IQGAP2: variants seen among roughly 807,000 people sequenced by gnomAD.
IQGAP2 encodes ras GTPase-activating-like protein IQGAP2.
IQGAP2 carries 173 observed loss-of-function variants against 201.3 expected under a neutral mutation model. The observed-to-expected ratio is 0.86, with a 90% CI of 0.76 to 0.98. The LOEUF (loss-of-function observed/expected upper bound fraction) is 0.98. Among genes scored for constraint, IQGAP2 ranks in the 50% least tolerant of loss-of-function variants. The pLI is 0.00. For synonymous variants in IQGAP2, 675 were observed against 673.9 expected (o/e 1.00, Z -0.03); for missense variants, 1,687 against 1,864.8 (o/e 0.90, Z 1.76).
At chr5:76,658,824 G>A (rs1385715077) in intron 21 of IQGAP2, among the ~76,000 whole-genome samples, 157 bp downstream of exon 21, 1 of 152,132 alleles carries the variant, frequency 6.6e-6, no homozygotes, top group African/African-American at 2.4e-5. Flanking sequence ...AAACATAGAT[G>A]GTGGAGTCTA....
intron 1 of IQGAP2, among the ~76,000 whole-genome samples, chr5:76,414,793 A>G (rs548977111): frequency 6.6e-6 from 1 of 152,308 alleles, no homozygotes; most frequent in South Asian, 2.1e-4. Flanking sequence ...CTCCAGTCTA[A>G]TCTTTGCTAT....
At chr5:76,438,593 C>T (rs1752851682) in intron 1 of IQGAP2, among the ~76,000 whole-genome samples, 1 of 152,034 alleles carries the variant, frequency 6.6e-6, no homozygotes, top group Non-Finnish European at 1.5e-5. Context: ...TAGGCGTGCA[C>T]CACCATACCC....
intron 5 of IQGAP2, among the ~76,000 whole-genome samples, chr5:76,583,318 A>G (rs1047102084): frequency 6.6e-6 from 1 of 152,138 alleles, no homozygotes; most frequent in Non-Finnish European, 1.5e-5. Flanking sequence ...CAGTTTCCTG[A>G]TAAACATTTG....
intron 2 of IQGAP2, chr5:76,547,380 A>G: frequency 1.1e-6 from 1 of 910,104 alleles, no homozygotes; most frequent in Non-Finnish European, 1.3e-6. Flanking sequence ...TTATTTAACA[A>G]TTCCATATTG....
At chr5:76,526,982 CA>C (rs1759012325) in intron 2 of IQGAP2, among the ~76,000 whole-genome samples, 1 of 152,182 alleles carries the variant, frequency 6.6e-6, no homozygotes. Flanking sequence ...TTCTCCCTGA[CA>C]GCTTTTAAAG....
intron 1 of IQGAP2, among the ~76,000 whole-genome samples, chr5:76,455,916 T>C (rs1754055805): frequency 6.6e-6 from 1 of 152,156 alleles, no homozygotes; most frequent in African/African-American, 2.4e-5. Context: ...TCTGAAGTTG[T>C]GTGTTGATTT....
intron 2 of IQGAP2, among the ~76,000 whole-genome samples, chr5:76,554,785 C>T (rs563829455): frequency 5.9e-5 from 9 of 152,214 alleles, no homozygotes; most frequent in Admixed American, 3.9e-4. Flanking sequence ...TACCATATGA[C>T]CCAGCAATTC....
At chr5:76,681,244 AC>A (rs1745268552) in intron 28 of IQGAP2, among the ~76,000 whole-genome samples, 1 of 152,146 alleles carries the variant, frequency 6.6e-6, no homozygotes, top group Non-Finnish European at 1.5e-5. Context: ...TAAATATTGG[AC>A]AATTACACAT....
At chr5:76,543,687 G>A (rs1157352685) in intron 2 of IQGAP2, among the ~76,000 whole-genome samples, 1 of 152,220 alleles carries the variant, frequency 6.6e-6, no homozygotes, top group African/African-American at 2.4e-5. Flanking sequence ...ACTGGGCATA[G>A]TAGTCAGTTG....
At chr5:76,648,867 A>T (rs1190693147) in intron 17 of IQGAP2, among the ~76,000 whole-genome samples, 1 of 152,226 alleles carries the variant, frequency 6.6e-6, no homozygotes, top group African/African-American at 2.4e-5. Context: ...ACAACAAAGA[A>T]AAAGCAGACT....
intron 11 of IQGAP2, among the ~76,000 whole-genome samples, chr5:76,601,961 T>C (rs1172435749): frequency 1.3e-5 from 2 of 152,168 alleles, no homozygotes; most frequent in African/African-American, 4.8e-5. Flanking sequence ...CCAAGGTAAT[T>C]TATATCTACC....
At chr5:76,619,740 G>C (rs906756261) in intron 13 of IQGAP2, among the ~76,000 whole-genome samples, 1 of 151,976 alleles carries the variant, frequency 6.6e-6, no homozygotes, top group Admixed American at 6.6e-5. Context: ...GGATGGTCTC[G>C]ATCTCCTGAC....
rs1752733130 is a variant in IQGAP2, at chr5:76,654,241, T to A, written c.2220T>A (p.Tyr740Ter). 1 of 1,611,152 alleles carries A rather than the reference T, an allele frequency of 6.2e-7. No homozygotes were observed. Among genetic ancestry groups the A allele is most frequent in the Non-Finnish European group, 8.5e-7 (1 of 1,178,622 alleles). Residue 740 changes from tyrosine (Y) to a stop codon, truncating the protein, a stop_gained, in exon 19 of 36, where the codon TAT becomes TAA. Transcript: ENST00000274364. LOFTEE classifies it high-confidence loss of function. ...GAATGGCAACTGCAAGAAAGAGCTA[T>A]CTTTCAAGACTACAGTATTTCAGAG... Reference protein sequence around the residue: ...WFRMATARKSYLSRLQYFRDH... With the variant: ...WFRMATARKS
intron 30 of IQGAP2, among the ~76,000 whole-genome samples, chr5:76,686,255 G>C (rs1159020171): frequency 6.7e-6 from 1 of 149,968 alleles, no homozygotes; most frequent in African/African-American, 2.4e-5. Flanking sequence ...CCCCTTGTGT[G>C]GGCTTTTTAC....
intron 32 of IQGAP2, among the ~76,000 whole-genome samples, chr5:76,697,415 G>T (rs1237187415): frequency 6.6e-6 from 1 of 152,250 alleles, no homozygotes; most frequent in East Asian, 1.9e-4. Context: ...AGGCCGAGGC[G>T]GGCAGATCAC....
At chr5:76,451,311 A>C (rs77556678) in intron 1 of IQGAP2, among the ~76,000 whole-genome samples, 2,236 of 152,164 alleles carry the variant, frequency 0.015, 58 homozygotes, top group African/African-American at 0.051. Flanking sequence ...TGCCTATGAA[A>C]AGCATCACCA....
rs961951052 is a variant in IQGAP2 at position 76,485,447 on chromosome 5, C to T, written c.146+23778C>T. Among the ~76,000 whole-genome samples the T allele has an allele frequency of 4.6e-5, 7 of 152,260 alleles. No homozygotes were observed. In the South Asian group the frequency reaches 6.2e-4, roughly 14 times the overall value. On this transcript the variant is annotated intron_variant, in intron 2 of 35. Coordinates refer to ENST00000274364, the MANE Select transcript of IQGAP2 (RefSeq NM_006633.5). Reference sequence around the variant, plus strand: ...TTTTGCTGTATTTTAATTGCAATAGCGAGTAAACAAACCTTTTTTCCCCCC... The same window carrying T: ...TTTTGCTGTATTTTAATTGCAATAGTGAGTAAACAAACCTTTTTTCCCCCC...
In IQGAP2 at chr5:76,611,137, A is replaced by G. The variant is rs1253646333; in HGVS notation, c.1475A>G (p.Gln492Arg). The change falls in exon 13 of 36, where the codon CAG (glutamine) becomes CGG (arginine). Residue 492 changes from glutamine (Q) to arginine (R), a missense_variant. By Grantham distance (43) the Gln-to-Arg change is conservative. Transcript: ENST00000274364. ...NISDVDPAHA[Q>R]HYQDVLYHAK... The stretch of plus-strand genomic sequence containing the variant: ...AGTGATGTGGACCCAGCCCATGCCC[A>G]GCACTACCAGGATGTTTTATACCAT... 2 of 1,613,966 alleles carry G rather than the reference A, an allele frequency of 1.2e-6. No homozygotes were observed. Among genetic ancestry groups the G allele is most frequent in the Non-Finnish European group, 1.7e-6 (2 of 1,179,930 alleles).
At chr5:76,484,864 C>G (rs1756018327) in intron 2 of IQGAP2, among the ~76,000 whole-genome samples, 1 of 152,140 alleles carries the variant, frequency 6.6e-6, no homozygotes, top group South Asian at 2.1e-4. Flanking sequence ...CGGGGTCTCA[C>G]TCTGTCACCC....
Sources: allele counts gnomAD v4.1 joint callset (sites outside exome capture counted in the v4.1 genomes callset), GRCh38; gene constraint gnomAD v4.1.1; transcripts MANE v1.5; gene names NCBI Gene and HGNC (gene_info 2026-07-23, HGNC 2026-07-21).